SGK1: variants seen among roughly 807,000 people sequenced by gnomAD.
SGK1 encodes the protein serum/glucocorticoid regulated kinase 1, also known as serine/threonine-protein kinase Sgk1.
SGK1 carries 26 observed loss-of-function variants against 64.2 expected under a neutral mutation model. The ratio of observed to expected loss-of-function variants is 0.40; its 90% confidence interval spans 0.30 to 0.56. The LOEUF (loss-of-function observed/expected upper bound fraction) is 0.56, where lower values mean the gene tolerates loss of function less well. SGK1 is among the 20% of genes least tolerant of loss of function. The probability of loss-of-function intolerance (pLI) is 0.38; values close to 1 mark genes in which losing one functional copy is unlikely to be tolerated. For missense variants in SGK1, 519 were observed against 645.6 expected (o/e 0.80, Z 2.12); for synonymous variants, 265 against 239.7 (o/e 1.11, Z -0.98).
chr6:134,205,046 G>A (rs930203596), intron 3 of SGK1, among the ~76,000 whole-genome samples: 2 of 150,732 alleles, frequency 1.3e-5, no homozygotes, highest in Non-Finnish European at 2.9e-5. Context: ...GAAAGTAAAG[G>A]AATAAAGAAT....
chr6:134,306,142 G>A (rs538637964), intron 1 of SGK1, among the ~76,000 whole-genome samples: 13 of 152,278 alleles, frequency 8.5e-5, no homozygotes, highest in East Asian at 3.9e-4. Context: ...GCACAAGGCC[G>A]GGCGCGGTGG....
rs1015581909 is a variant in SGK1 at position 134,285,147 on chromosome 6, C to G, written c.70-22999G>C. Among the ~76,000 whole-genome samples, 12 of 151,882 alleles carry G rather than the reference C, an allele frequency of 7.9e-5. No individual in the cohort carries two copies. The East Asian group carries it at 2.3e-3, about 29-fold the overall frequency. On this transcript the variant is annotated intron_variant, in intron 1 of 13. Coordinates refer to ENST00000367858, the MANE Select transcript of SGK1 (RefSeq NM_001143676.3). ...CATAGTGGTTGCACTAGTTTACATT[C>G]CCACCAGCAGTGTAAAAGTGCTCCC...
chr6:134,293,142 A>C (rs1777291909), intron 1 of SGK1, among the ~76,000 whole-genome samples: 1 of 152,234 alleles, frequency 6.6e-6, no homozygotes, highest in Non-Finnish European at 1.5e-5. Context: ...GGATCTAGAT[A>C]ATGTAAAATG....
chr6:134,269,144 A>C lies in SGK1; in HGVS notation c.70-6996T>G, dbSNP rs74952403. On this transcript the variant is annotated intron_variant, in intron 1 of 13. Transcript: ENST00000367858. ...CAACCGATACAGGAAAATTATAGAG[A>C]GTTTAGGTACTTAGGTGTGAACTCA... 7.1e-3 allele frequency among the ~76,000 whole-genome samples: 1,043 copies of C among 147,454 alleles called. 53 individuals are homozygous for C. Among genetic ancestry groups the C allele is most frequent in the African/African-American group, 0.024 (974 of 41,138 alleles).
rs576131991 is a variant in SGK1 at position 134,241,814 on chromosome 6, G to A, written c.285+20119C>T. On this transcript the variant is annotated intron_variant, in intron 2 of 13. Transcript: ENST00000367858. ...TTTTTGTATTTTTAGTAGAGACGGC[G>A]TTTCACCGCGTTAGCCAGGATGGTC... Among the ~76,000 whole-genome samples, 90 of 151,412 alleles carry A rather than the reference G, an allele frequency of 5.9e-4. 1 individual carries two copies. Among genetic ancestry groups the A allele is most frequent in the African/African-American group, 2.0e-3 (83 of 41,252 alleles).
chr6:134,255,083 T>G (rs938498665), intron 2 of SGK1, among the ~76,000 whole-genome samples: 1 of 152,138 alleles, frequency 6.6e-6, no homozygotes, highest in African/African-American at 2.4e-5. Flanking sequence ...TTGGCCAGGC[T>G]GGTCTCAAAC....
At chr6:134,252,616 C>CAAAAAAAAAAAAAAA (rs11418007) in intron 2 of SGK1, among the ~76,000 whole-genome samples, 2 of 66,000 alleles carry the variant, frequency 3.0e-5, no homozygotes, top group African/African-American at 1.3e-4. Flanking sequence ...GATTCCACCT[C>CAAAAAAAAAAAAAAA]AAAAAAAAAA....
chr6:134,231,317 T>C (rs1776275383), intron 2 of SGK1, among the ~76,000 whole-genome samples: 1 of 151,792 alleles, frequency 6.6e-6, no homozygotes, highest in African/African-American at 2.4e-5. Flanking sequence ...ATATATTAAA[T>C]AATACATATA....
intron 2 of SGK1, among the ~76,000 whole-genome samples, chr6:134,236,703 T>C (rs1340480381): frequency 1.3e-5 from 2 of 152,146 alleles, no homozygotes; most frequent in Non-Finnish European, 2.9e-5. Flanking sequence ...GGATGACTAA[T>C]TTGGGGTGTC....
chr6:134,240,584 T>A (rs1007794486), intron 2 of SGK1, among the ~76,000 whole-genome samples: 27 of 152,206 alleles, frequency 1.8e-4, no homozygotes, highest in Non-Finnish European at 3.2e-4. Flanking sequence ...ATCTCTTACA[T>A]ACAGTAGTTG....
intron 1 of SGK1, among the ~76,000 whole-genome samples, chr6:134,271,184 G>T (rs891060426): frequency 7.4e-6 from 1 of 135,356 alleles, no homozygotes. Flanking sequence ...TCGGGCGCGG[G>T]GGCACATGCC....
rs560484217 is a variant in SGK1, at chr6:134,186,856, G to A, written c.362-12270C>T. Among the ~76,000 whole-genome samples the A allele has an allele frequency of 1.5e-4, 23 of 150,718 alleles. 1 individual carries two copies. Among genetic ancestry groups the A allele is most frequent in the East Asian group, 5.8e-4 (3 of 5,136 alleles). ...TTTTGAGACGCAGTCTCACTGTGTC[G>A]CCCAGGCTGGAGTGCATGGGTGTGA... On this transcript the variant is annotated intron_variant, in intron 3 of 13. Transcript: ENST00000367858.
At chr6:134,292,454 G>T (rs1195343711) in intron 1 of SGK1, among the ~76,000 whole-genome samples, 1 of 152,136 alleles carries the variant, frequency 6.6e-6, no homozygotes, top group Non-Finnish European at 1.5e-5. Flanking sequence ...CTAGCTGGGG[G>T]TGGTGGCTGG....
chr6:134,295,396 A>T (rs1444127685), intron 1 of SGK1, among the ~76,000 whole-genome samples: 1 of 152,232 alleles, frequency 6.6e-6, no homozygotes, highest in Non-Finnish European at 1.5e-5. Flanking sequence ...TCAAGGTCCC[A>T]CTTGTATTTT....
chr6:134,284,203 C>T (rs1431112523), intron 1 of SGK1, among the ~76,000 whole-genome samples: 2 of 152,134 alleles, frequency 1.3e-5, no homozygotes, highest in Non-Finnish European at 2.9e-5. Flanking sequence ...AGCAATTCTC[C>T]TGTCTCAGCC....
chr6:134,288,426 C>A (rs941225774), intron 1 of SGK1, among the ~76,000 whole-genome samples: 1 of 152,154 alleles, frequency 6.6e-6, no homozygotes, highest in Non-Finnish European at 1.5e-5. Context: ...GTAGAAAATA[C>A]GCCTGGAGAA....
rs140087089 is a variant in SGK1 at position 134,187,068 on chromosome 6, G to A, written c.362-12482C>T. Among the ~76,000 whole-genome samples, 105 of 152,054 alleles carry A rather than the reference G, an allele frequency of 6.9e-4. 1 individual carries two copies. Among genetic ancestry groups the A allele is most frequent in the African/African-American group, 2.5e-3 (103 of 41,448 alleles). ...TAACCTCAAATGATCTGCTCGCCTCGGCCTCCCAAAGTTCTGGGATTTCAG... is the reference window on the plus strand; with the variant it reads ...TAACCTCAAATGATCTGCTCGCCTCAGCCTCCCAAAGTTCTGGGATTTCAG... On this transcript the variant is annotated intron_variant, in intron 3 of 13. Coordinates refer to ENST00000367858, the MANE Select transcript of SGK1 (RefSeq NM_001143676.3).
chr6:134,235,868 C>A (rs1025430216), intron 2 of SGK1, among the ~76,000 whole-genome samples: 4 of 152,080 alleles, frequency 2.6e-5, no homozygotes, highest in Non-Finnish European at 5.9e-5. Context: ...AGCCGCCGCA[C>A]CTGGCCATAG....
At chr6:134,250,446 G>A (rs1412462367) in intron 2 of SGK1, among the ~76,000 whole-genome samples, 1 of 152,074 alleles carries the variant, frequency 6.6e-6, no homozygotes, top group African/African-American at 2.4e-5. Context: ...AAAATAGTTT[G>A]ATTTATTTAC....
Sources: allele counts gnomAD v4.1 joint callset (sites outside exome capture counted in the v4.1 genomes callset), GRCh38; gene constraint gnomAD v4.1.1; transcripts MANE v1.5; gene names NCBI Gene and HGNC (gene_info 2026-07-23, HGNC 2026-07-21).